The following CSRNP3 variants were observed in gnomAD, a reference collection of about 807,000 sequenced individuals.
CSRNP3 encodes cysteine and serine rich nuclear protein 3, also known as cysteine/serine-rich nuclear protein 3.
Under a neutral mutation model 48.0 loss-of-function variants are expected in CSRNP3, and 12 were observed. The observed-to-expected ratio is 0.25, with a 90% confidence interval of 0.16 to 0.41. The LOEUF is 0.41. Among genes scored for constraint, CSRNP3 ranks in the 10% least tolerant of loss-of-function variants. The pLI is 1.00. For missense variants in CSRNP3, 580 were observed against 724.4 expected, an observed-to-expected ratio of 0.80 and a Z score of 2.29; for synonymous variants, 263 against 269.7, an observed-to-expected ratio of 0.98 and a Z score of 0.24.
chr2:165,620,874 A>G (rs936382257), intron 4 of CSRNP3, among the ~76,000 whole-genome samples: 1 of 152,084 alleles, frequency 6.6e-6, no homozygotes, highest in Non-Finnish European at 1.5e-5. Flanking sequence ...AGAGGCCTCA[A>G]GTTTTCCTTT....
At chr2:165,625,162 C>T (rs747068222) in intron 4 of CSRNP3, among the ~76,000 whole-genome samples, 2 of 152,140 alleles carry the variant, frequency 1.3e-5, no homozygotes, top group African/African-American at 4.8e-5. Flanking sequence ...GACCAGTGAG[C>T]CTTTCTTTCA....
rs1553469513 is a variant in CSRNP3 at position 165,480,782 on chromosome 2, T to TATATATA, written c.-283+11043_-283+11049dup. Among the ~76,000 whole-genome samples, 1,433 of 143,634 alleles carry TATATATA rather than the reference T, an allele frequency of 1.0e-2. 18 individuals carry two copies. The highest frequency in any genetic ancestry group is 0.029 in the African/African-American group (1,137 of 39,534). The allele number at this position is 143,634 out of a possible 152,430, so 94.2% of individuals were successfully genotyped here. A position where few individuals can be genotyped will look rare whatever the true frequency, so the allele number is the denominator to read the frequency against. On this transcript the variant is annotated intron_variant, in intron 1 of 6. Coordinates refer to ENST00000651982, the MANE Select transcript of CSRNP3 (RefSeq NM_001172173.2). The stretch of plus-strand genomic sequence containing the variant: ...TTATATTATATAAAATTTTATATAT[T>TATATATA]ATATATATAATATATATAATATAAA...
At chr2:165,665,831 G>A (rs564397564) in intron 5 of CSRNP3, among the ~76,000 whole-genome samples, 1 of 145,120 alleles carries the variant, frequency 6.9e-6, no homozygotes, top group South Asian at 2.2e-4. Flanking sequence ...AAGGAAGGAA[G>A]AAAGGAAGCA....
chr2:165,622,651 C>G (rs1686359917), intron 4 of CSRNP3, among the ~76,000 whole-genome samples: 1 of 152,044 alleles, frequency 6.6e-6, no homozygotes, highest in Non-Finnish European at 1.5e-5. Context: ...ATCCTGACAC[C>G]ATGTTCCCAT....
intron 3 of CSRNP3, among the ~76,000 whole-genome samples, chr2:165,557,302 G>A (rs527259383): frequency 3.4e-4 from 52 of 152,108 alleles, no homozygotes; most frequent in Non-Finnish European, 6.0e-4. Flanking sequence ...AGCTGCCTTC[G>A]CATTAAAACA....
chr2:165,532,101 T>C (rs932270359), intron 3 of CSRNP3, among the ~76,000 whole-genome samples: 20 of 152,060 alleles, frequency 1.3e-4, no homozygotes, highest in Non-Finnish European at 2.8e-4. Context: ...CAGGACCAGA[T>C]GGATTCACAG....
intron 5 of CSRNP3, among the ~76,000 whole-genome samples, chr2:165,671,300 A>C (rs760705284): frequency 1.4e-4 from 22 of 152,238 alleles, no homozygotes; most frequent in Non-Finnish European, 2.4e-4. Flanking sequence ...AGAGGAAAAA[A>C]ATGGACAAAA....
At chr2:165,636,854 C>T (rs914672576) in intron 4 of CSRNP3, among the ~76,000 whole-genome samples, 6 of 151,826 alleles carry the variant, frequency 4.0e-5, no homozygotes, top group Non-Finnish European at 4.4e-5. Context: ...TTTAATAATG[C>T]TAGAGCAAAA....
intron 1 of CSRNP3, among the ~76,000 whole-genome samples, chr2:165,475,081 A>G (rs1322553155): frequency 6.6e-6 from 1 of 152,182 alleles, no homozygotes; most frequent in African/African-American, 2.4e-5. Context: ...AGGTTAGGCT[A>G]GCCATGAAAA....
In CSRNP3 at chr2:165,678,742, A is replaced by T. The variant is rs376260952; in HGVS notation, c.747A>T (p.Gly249=). The change falls in exon 7 of 7, where the codon GGA becomes GGT. Residue 249 remains glycine, a synonymous_variant. Coordinates refer to ENST00000651982, the MANE Select transcript of CSRNP3 (RefSeq NM_001172173.2). Reference sequence around the variant, plus strand: ...TCCCATGCGGCTGCACTAAAGAAGGATGTAGTAACACAGCAGGTAGAATTG... The same window carrying T: ...TCCCATGCGGCTGCACTAAAGAAGGTTGTAGTAACACAGCAGGTAGAATTG... The part of the protein sequence containing the change: ...MSFPCGCTKE[G]CSNTAGRIEF... The T allele has an allele frequency of 1.9e-6, 3 of 1,613,960 alleles. No individual in the cohort carries two copies. Among genetic ancestry groups the T allele is most frequent in the African/African-American group, 1.3e-5 (1 of 74,922 alleles).
At chr2:165,624,933 C>T (rs1686404717) in intron 4 of CSRNP3, among the ~76,000 whole-genome samples, 1 of 152,160 alleles carries the variant, frequency 6.6e-6, no homozygotes, top group African/African-American at 2.4e-5. Flanking sequence ...TAAATAATGG[C>T]CTAGCCAGGA....
At chr2:165,522,840 G>A (rs1321938800) in intron 3 of CSRNP3, among the ~76,000 whole-genome samples, 1 of 151,964 alleles carries the variant, frequency 6.6e-6, no homozygotes, top group Non-Finnish European at 1.5e-5. Context: ...CCATGAACCC[G>A]AGCTATAGTG....
At chr2:165,660,528 G>A (rs1687079173) in intron 5 of CSRNP3, among the ~76,000 whole-genome samples, 1 of 152,192 alleles carries the variant, frequency 6.6e-6, no homozygotes, top group Admixed American at 6.5e-5. Flanking sequence ...CTGACACGCT[G>A]TCTGAGAACC....
At chr2:165,556,400 G>A (rs755500802) in intron 3 of CSRNP3, among the ~76,000 whole-genome samples, 2 of 152,136 alleles carry the variant, frequency 1.3e-5, no homozygotes, top group Non-Finnish European at 2.9e-5. Flanking sequence ...GTTTAGAGAC[G>A]TAGATACGGA....
chr2:165,581,303 CAG>C lies in CSRNP3; in HGVS notation c.-23-13733_-23-13732del, dbSNP rs10616416. Among the ~76,000 whole-genome samples, 969 of 152,254 alleles carry C rather than the reference CAG, an allele frequency of 6.4e-3. 10 individuals carry two copies. The highest frequency in any genetic ancestry group is 0.023 in the African/African-American group (935 of 41,540). On this transcript the variant is annotated intron_variant, in intron 3 of 6. Transcript: ENST00000651982. ...GAAAGCTTCCTGAGTACCTCCCAGC[CAG>C]AGAGAGTCATGGAAAACCTCTTTGT... is the stretch of plus-strand genomic sequence containing the variant.
intron 4 of CSRNP3, among the ~76,000 whole-genome samples, chr2:165,606,845 T>C (rs1686037411): frequency 6.6e-6 from 1 of 152,124 alleles, no homozygotes; most frequent in South Asian, 2.1e-4. Context: ...GTGGCACCAT[T>C]TTTTATGGAA....
chr2:165,563,806 A>G (rs1321969948), intron 3 of CSRNP3, among the ~76,000 whole-genome samples: 1 of 152,112 alleles, frequency 6.6e-6, no homozygotes, highest in Non-Finnish European at 1.5e-5. Context: ...GTTAAATTTC[A>G]TGTGAAACTA....
intron 3 of CSRNP3, among the ~76,000 whole-genome samples, chr2:165,541,157 G>C (rs566892564): frequency 5.7e-4 from 87 of 151,482 alleles, no homozygotes; most frequent in African/African-American, 2.1e-3. Context: ...TCCCCATCTA[G>C]AGTTTCTGCC....
chr2:165,595,037 T>G lies in CSRNP3; in HGVS notation c.-23-6T>G, dbSNP rs1301344018. 1 of 1,611,954 alleles carries G rather than the reference T, an allele frequency of 6.2e-7. No individual in the cohort carries two copies. The highest frequency in any genetic ancestry group is 8.5e-7 in the Non-Finnish European group (1 of 1,178,632). On this transcript the variant is annotated splice_polypyrimidine_tract_variant and splice_region_variant and intron_variant, in intron 3 of 6. Coordinates refer to ENST00000651982, the MANE Select transcript of CSRNP3 (RefSeq NM_001172173.2). ...CAATGCTCTGTTGCTCTCCTTCCTG[T>G]TACAGGTACATGTGACAGCACTGCA...
Sources: gnomAD v4.1 joint callset for allele counts (sites outside exome capture counted in the v4.1 genomes callset) on GRCh38, gnomAD v4.1.1 for gene constraint, MANE v1.5 for transcripts, NCBI Gene and HGNC (gene_info 2026-07-23, HGNC 2026-07-21) for gene names.